Variants in DDAH1 observed in about 807,000 individuals in gnomAD.
DDAH1 encodes dimethylarginine dimethylaminohydrolase 1, also known as N(G),N(G)-dimethylarginine dimethylaminohydrolase 1.
Under a neutral mutation model 28.8 loss-of-function variants are expected in DDAH1, and 19 were observed. That is an observed-to-expected ratio of 0.66 (90% CI 0.46 to 0.97). The LOEUF is 0.97. DDAH1 is among the 50% of genes least tolerant of loss of function. The probability of loss-of-function intolerance (pLI) is 0.00; values close to 1 mark genes in which losing one functional copy is unlikely to be tolerated. For missense variants in DDAH1, 326 were observed against 375.9 expected, an observed-to-expected ratio of 0.87 and a Z score of 1.10; for synonymous variants, 153 against 154.4, an observed-to-expected ratio of 0.99 and a Z score of 0.07.
At chr1:85,335,891 G>A (rs1180147403) in intron 4 of DDAH1, among the ~76,000 whole-genome samples, 3 of 152,004 alleles carry the variant, frequency 2.0e-5, no homozygotes, top group Admixed American at 6.6e-5. Context: ...AAGCCTGGGA[G>A]GCAGAGGTTG....
At chr1:85,577,161 C>G (rs987353995) in intron 1 of DDAH1, among the ~76,000 whole-genome samples, 3 of 152,086 alleles carry the variant, frequency 2.0e-5, no homozygotes, top group African/African-American at 7.2e-5. Context: ...CAGGCGCGTC[C>G]GGATGCCTCG....
intron 1 of DDAH1, among the ~76,000 whole-genome samples, chr1:85,552,028 T>A (rs1008221880): frequency 6.6e-6 from 1 of 152,036 alleles, no homozygotes; most frequent in African/African-American, 2.4e-5. Flanking sequence ...GTGCGAGAGG[T>A]GGGATGAAAT....
intron 1 of DDAH1, among the ~76,000 whole-genome samples, chr1:85,373,086 G>C (rs1008979343): frequency 6.6e-6 from 1 of 152,056 alleles, no homozygotes; most frequent in South Asian, 2.1e-4. Context: ...AGTCCCTAGT[G>C]AACACAGTTC....
intron 1 of DDAH1, among the ~76,000 whole-genome samples, chr1:85,516,585 T>C (rs483153): frequency 0.14 from 20,290 of 150,030 alleles, 1,548 homozygotes; most frequent in South Asian, 0.21. Context: ...CCTATGCCAA[T>C]GGCCTCATCT....
intron 2 of DDAH1, among the ~76,000 whole-genome samples, chr1:85,479,926 A>C (rs1655950475): frequency 6.6e-6 from 1 of 152,228 alleles, no homozygotes; most frequent in Admixed American, 6.5e-5. Flanking sequence ...CACATACTGA[A>C]ATCTAAGAAG....
At chr1:85,330,789 A>G (rs1207816608) in intron 4 of DDAH1, among the ~76,000 whole-genome samples, 1 of 152,230 alleles carries the variant, frequency 6.6e-6, no homozygotes, top group Non-Finnish European at 1.5e-5. Context: ...CTGTTCAACA[A>G]TCTTTTATGG....
At chr1:85,324,700 G>C (rs2100787352) in intron 5 of DDAH1, 40 bp downstream of exon 5, 3 of 1,609,642 alleles carry the variant, frequency 1.9e-6, no homozygotes, top group Middle Eastern at 1.7e-4. Context: ...CCCCAGGGAG[G>C]CTGACCCAGC....
intron 1 of DDAH1, among the ~76,000 whole-genome samples, chr1:85,526,290 A>C (rs1434278521): frequency 5.3e-5 from 8 of 152,148 alleles, no homozygotes; most frequent in Non-Finnish European, 8.8e-5. Flanking sequence ...CTAATACTAT[A>C]TGTTTGCAGT....
intron 1 of DDAH1, among the ~76,000 whole-genome samples, chr1:85,433,990 T>C (rs1001265579): frequency 6.6e-6 from 1 of 152,196 alleles, no homozygotes; most frequent in Non-Finnish European, 1.5e-5. Context: ...ACATTTTTTG[T>C]ACAGTATTTA....
At position 85,485,784 on chromosome 1, in the gene DDAH1, A is replaced by C. The variant is rs1272753893; in HGVS notation, c.-7+10382T>G. ...GGACTCTGAAAGCAAACTATTATGA[A>C]GCCATGTTTATGCAAGCATGTCTAA... On this transcript the variant is annotated intron_variant, in intron 2 of 6. Transcript: ENST00000426972. Among the ~76,000 whole-genome samples the C allele has an allele frequency of 2.0e-5, 3 of 152,320 alleles. No individual in the cohort carries two copies. In the East Asian group the frequency reaches 5.8e-4, roughly 29 times the overall value.
chr1:85,454,151 G>C (rs1478728716), intron 1 of DDAH1, among the ~76,000 whole-genome samples: 1 of 152,174 alleles, frequency 6.6e-6, no homozygotes, highest in Non-Finnish European at 1.5e-5. Context: ...TGCAAAAGAT[G>C]CAAGTTCAGA....
chr1:85,555,942 C>T (rs1658947328), intron 1 of DDAH1, among the ~76,000 whole-genome samples: 1 of 152,152 alleles, frequency 6.6e-6, no homozygotes, highest in Non-Finnish European at 1.5e-5. Context: ...AATTTAAAGG[C>T]AGTCAGCACC....
intron 1 of DDAH1, among the ~76,000 whole-genome samples, chr1:85,577,139 G>A (rs1195707578): frequency 4.6e-5 from 7 of 152,144 alleles, no homozygotes; most frequent in Admixed American, 1.3e-4. Flanking sequence ...GGGGGCGGCG[G>A]TAGCAGCCGG....
At chr1:85,501,208 G>A (rs1656805683) in intron 1 of DDAH1, among the ~76,000 whole-genome samples, 1 of 152,122 alleles carries the variant, frequency 6.6e-6, no homozygotes. Flanking sequence ...TTTACTAGTG[G>A]AGAAGCTTAA....
chr1:85,568,236 C>T (rs1659360041), intron 1 of DDAH1, among the ~76,000 whole-genome samples: 1 of 152,112 alleles, frequency 6.6e-6, no homozygotes, highest in African/African-American at 2.4e-5. Flanking sequence ...AACCAGTGAC[C>T]TCAGCTTCCA....
At chr1:85,495,544 A>T (rs1656557008) in intron 2 of DDAH1, 1 of 152,222 alleles carries the variant, frequency 6.6e-6, no homozygotes, top group African/African-American at 2.4e-5. Context: ...TGTAGGACAA[A>T]GGTCTCACTG....
chr1:85,431,556 T>G (rs959946906), intron 1 of DDAH1, among the ~76,000 whole-genome samples: 8 of 151,854 alleles, frequency 5.3e-5, no homozygotes, highest in African/African-American at 1.9e-4. Context: ...CCTTCTTCCC[T>G]CCTTCCTCAC....
chr1:85,355,208 T>C (rs1032648801), intron 2 of DDAH1, among the ~76,000 whole-genome samples: 8 of 152,086 alleles, frequency 5.3e-5, no homozygotes, highest in Admixed American at 1.3e-4. Context: ...AAATCTAAAT[T>C]GTCACATAAT....
At chr1:85,468,427 TG>T (rs1451957502), upstream of DDAH1, among the ~76,000 whole-genome samples, 1 of 151,978 alleles carries the variant, frequency 6.6e-6, no homozygotes, top group African/African-American at 2.4e-5. Context: ...TCCACATAGC[TG>T]GGGAGGCCTC....
Sources: gnomAD v4.1 joint callset for allele counts (sites outside exome capture counted in the v4.1 genomes callset) on GRCh38, gnomAD v4.1.1 for gene constraint, MANE v1.5 for transcripts, NCBI Gene and HGNC (gene_info 2026-07-23, HGNC 2026-07-21) for gene names.